Variants in TGIF1 observed in about 807,000 individuals in gnomAD.
TGIF1 encodes TGFB induced factor homeobox 1.
In TGIF1, 4 loss-of-function variants were observed where a neutral mutation model predicts 19.3. That is an observed-to-expected ratio of 0.21 (90% CI 0.10 to 0.47). TGIF1 has a LOEUF of 0.47. Ranked by LOEUF, TGIF1 falls within the 20% of genes least tolerant of loss-of-function variation. TGIF1 has a pLI of 0.98. For synonymous variants in TGIF1, 122 were observed against 129.3 expected, an observed-to-expected ratio of 0.94 and a Z score of 0.38; for missense variants, 275 against 341.4, an observed-to-expected ratio of 0.81 and a Z score of 1.53.
rs928843507 is a variant in TGIF1, at chr18:3,434,498, T to G, written c.-45+16283T>G. Among the ~76,000 whole-genome samples, 3 of 151,926 alleles carry G rather than the reference T, an allele frequency of 2.0e-5. No individual in the cohort carries two copies. In the East Asian group the frequency reaches 5.8e-4, roughly 29 times the overall value. On this transcript the variant is annotated intron_variant, in intron 2 of 3. Coordinates refer to the TGIF1 transcript ENST00000401449. ...TTGCGGTGAGGCAAGATCATGCCAT[T>G]GCACTCCAGCCTGGGCAACAAGAGC...
intron 2 of TGIF1, among the ~76,000 whole-genome samples, chr18:3,423,523 T>C (rs1281622776): frequency 6.6e-6 from 1 of 151,648 alleles, no homozygotes; most frequent in African/African-American, 2.4e-5. Flanking sequence ...ACTAAAAAAA[T>C]ACAAAAAATT....
At chr18:3,420,246 T>TGACA (rs1370107667) in intron 2 of TGIF1, among the ~76,000 whole-genome samples, 1 of 151,824 alleles carries the variant, frequency 6.6e-6, no homozygotes, top group Non-Finnish European at 1.5e-5. Flanking sequence ...TCATGCTTGA[T>TGACA]GGTGGGTGCC....
intron 2 of TGIF1, among the ~76,000 whole-genome samples, chr18:3,420,286 G>A (rs533516931): frequency 8.1e-4 from 124 of 152,178 alleles, no homozygotes; most frequent in African/African-American, 2.9e-3. Flanking sequence ...AGGAGGCTGA[G>A]GCAGAAGAAT....
At chr18:3,428,250 C>A (rs1387460605) in intron 2 of TGIF1, among the ~76,000 whole-genome samples, 1 of 152,084 alleles carries the variant, frequency 6.6e-6, no homozygotes, top group Non-Finnish European at 1.5e-5. Flanking sequence ...GAACTTGACC[C>A]TGAGTTCACA....
chr18:3,438,757 A>G (rs1182809846), intron 2 of TGIF1, among the ~76,000 whole-genome samples: 1 of 152,202 alleles, frequency 6.6e-6, no homozygotes, highest in Non-Finnish European at 1.5e-5. Context: ...AACCAAAAAA[A>G]ATCAAGGCGC....
chr18:3,425,213 T>C (rs8082866), intron 2 of TGIF1, among the ~76,000 whole-genome samples: 51,262 of 152,124 alleles, frequency 0.34, 10,025 homozygotes, highest in African/African-American at 0.54. Flanking sequence ...GCAAGAGAAA[T>C]GTGACATGGC....
In TGIF1 at chr18:3,459,651, T is replaced by C. The variant is rs2049460749; in HGVS notation, c.*1711T>C. On this transcript the variant is annotated 3_prime_UTR_variant, in exon 3 of 3. Coordinates refer to ENST00000343820, the MANE Select transcript of TGIF1 (RefSeq NM_003244.4). ...TTTGCTTTAGTATAGATGAGGGAAA[T>C]GAGCAAGTCCTAAAAGGTTTGCCCT... 1 of 152,200 alleles carries C rather than the reference T, an allele frequency of 6.6e-6. No individual in the cohort carries two copies. Among genetic ancestry groups the C allele is most frequent in the Admixed American group, 6.5e-5 (1 of 15,284 alleles). 9.4% of individuals were successfully genotyped at this position (152,200 alleles called of 1,614,324 possible).
chr18:3,437,284 A>G (rs772291066), intron 2 of TGIF1, among the ~76,000 whole-genome samples: 21 of 152,240 alleles, frequency 1.4e-4, no homozygotes, highest in Admixed American at 2.6e-4. Flanking sequence ...CTGCATTCTT[A>G]TCCTGCAGAT....
Position 3,450,502 on chromosome 18 carries a change from A to G in TGIF1, c.13A>G (p.Lys5Glu). The G allele has an allele frequency of 6.4e-7, 1 of 1,563,240 alleles. No homozygotes were observed. The highest frequency in any genetic ancestry group is 8.7e-7 in the Non-Finnish European group (1 of 1,154,142). The change falls in exon 1 of 3, where the codon AAA (lysine) becomes GAA (glutamate). Residue 5 changes from lysine (K) to glutamate (E), a missense_variant. Coordinates refer to ENST00000343820, the MANE Select transcript of TGIF1 (RefSeq NM_003244.4). ...GGGGAGATCCAGAATGAAAGGCAAG[A>G]AAGGTAAGGCGGCCGCGGGCTGCGC... Reference protein sequence around the residue: MKGKKGIVAASGSET... With the variant: MKGKEGIVAASGSET...
chr18:3,453,330 A>G (rs895836151), intron 1 of TGIF1, among the ~76,000 whole-genome samples: 1 of 152,118 alleles, frequency 6.6e-6, no homozygotes, highest in Non-Finnish European at 1.5e-5. Context: ...TTATTTCTAG[A>G]GTCTCTTCAC....
intron 2 of TGIF1, among the ~76,000 whole-genome samples, chr18:3,436,776 G>A (rs895493125): frequency 5.1e-4 from 78 of 151,890 alleles, no homozygotes; most frequent in African/African-American, 1.8e-3. Flanking sequence ...CCAAGATGGT[G>A]CCACTGCACT....
upstream of TGIF1, chr18:3,449,315 A>G (rs2082823254): frequency 1.1e-6 from 1 of 906,586 alleles, no homozygotes; most frequent in Non-Finnish European, 1.3e-6. Flanking sequence ...CTTAGCTATA[A>G]AAGTGGCCGC....
intron 2 of TGIF1, among the ~76,000 whole-genome samples, chr18:3,444,470 T>C (rs1186612196): frequency 1.3e-5 from 2 of 152,164 alleles, no homozygotes; most frequent in Admixed American, 1.3e-4. Flanking sequence ...CTCACTCAAG[T>C]AAACCCCAGT....
At chr18:3,429,859 C>A (rs1044159029) in intron 2 of TGIF1, among the ~76,000 whole-genome samples, 4 of 152,224 alleles carry the variant, frequency 2.6e-5, no homozygotes, top group Non-Finnish European at 5.9e-5. Context: ...AACACAATTA[C>A]CTGAAAAGGC....
intron 2 of TGIF1, among the ~76,000 whole-genome samples, chr18:3,439,973 A>G (rs1351319872): frequency 6.6e-6 from 1 of 151,712 alleles, no homozygotes; most frequent in Admixed American, 6.6e-5. Flanking sequence ...GTGAGCCAAG[A>G]TCGAACCACT....
At chr18:3,414,429 A>G (rs1246864201) in intron 1 of TGIF1, among the ~76,000 whole-genome samples, 1 of 152,224 alleles carries the variant, frequency 6.6e-6, no homozygotes, top group Non-Finnish European at 1.5e-5. Context: ...CACATGTTTC[A>G]AACCTTCTCC....
upstream of TGIF1, chr18:3,450,051 CCAGT>C: frequency 9.9e-7 from 1 of 1,006,906 alleles, no homozygotes; most frequent in Non-Finnish European, 1.2e-6. Context: ...CGCGCTCGGT[CCAGT>C]CTTCCCGGCT....
At chr18:3,416,683 C>A (rs950262736) in intron 1 of TGIF1, among the ~76,000 whole-genome samples, 2 of 152,054 alleles carry the variant, frequency 1.3e-5, no homozygotes, top group Non-Finnish European at 2.9e-5. Flanking sequence ...GTAATCCCAG[C>A]ACTTTGGGAG....
At chr18:3,416,907 G>A (rs2082339666) in intron 1 of TGIF1, among the ~76,000 whole-genome samples, 1 of 151,534 alleles carries the variant, frequency 6.6e-6, no homozygotes, top group Non-Finnish European at 1.5e-5. Context: ...CTCCAGCCTG[G>A]GTAACAAAGC....
Sources: allele counts gnomAD v4.1 joint callset (sites outside exome capture counted in the v4.1 genomes callset), GRCh38; gene constraint gnomAD v4.1.1; transcripts MANE v1.5; gene names NCBI Gene and HGNC (gene_info 2026-07-23, HGNC 2026-07-21).